The following ITPR2 variants were observed in gnomAD, a reference collection of about 807,000 sequenced individuals.
The protein encoded by ITPR2 is inositol 1,4,5-trisphosphate-gated calcium channel ITPR2.
In ITPR2, 207 loss-of-function variants were observed where a neutral mutation model predicts 317.1. That is an observed-to-expected ratio of 0.65 (90% CI 0.58 to 0.73). ITPR2 has a LOEUF of 0.73. Ranked by LOEUF, ITPR2 falls within the 30% of genes least tolerant of loss-of-function variation. ITPR2 has a pLI of 0.00. For synonymous variants in ITPR2, 1,156 were observed against 1,149.1 expected, an observed-to-expected ratio of 1.01 and a Z score of -0.12; for missense variants, 2,613 against 3,284.0, an observed-to-expected ratio of 0.80 and a Z score of 4.99.
intron 52 of ITPR2, among the ~76,000 whole-genome samples, chr12:26,405,765 C>T (rs1940327659): frequency 6.6e-6 from 1 of 152,168 alleles, no homozygotes; most frequent in South Asian, 2.1e-4. Flanking sequence ...CAAGACCAGC[C>T]TGGCCAACAT....
intron 45 of ITPR2, among the ~76,000 whole-genome samples, chr12:26,468,016 C>T (rs1484994179): frequency 6.6e-6 from 1 of 152,084 alleles, no homozygotes; most frequent in East Asian, 1.9e-4. Flanking sequence ...TAGCCAGGTC[C>T]GACATACATG....
chr12:26,539,703 C>T (rs1259639788), intron 37 of ITPR2, among the ~76,000 whole-genome samples: 1 of 152,184 alleles, frequency 6.6e-6, no homozygotes, highest in Non-Finnish European at 1.5e-5. Context: ...ACAGCAGTCC[C>T]CTGGTCCCAG....
chr12:26,661,517 A>T (rs1947503380), intron 15 of ITPR2, among the ~76,000 whole-genome samples: 1 of 152,114 alleles, frequency 6.6e-6, no homozygotes, highest in Non-Finnish European at 1.5e-5. Context: ...CCCAAAGCAC[A>T]GGGCTATAGA....
chr12:26,784,357 C>CCACGG (rs1555191425), intron 2 of ITPR2, among the ~76,000 whole-genome samples: 3 of 42,540 alleles, frequency 7.1e-5, no homozygotes, highest in Non-Finnish European at 1.6e-4. Flanking sequence ...CTCCCTCTCC[C>CCACGG]TCTCCCTCCA....
Position 26,638,508 on chromosome 12 carries a change from G to C in ITPR2, c.2741-6449C>G, listed in dbSNP as rs1280466718. ...CAGCCCCACGACCAAAGGCAACGAT[G>C]CTCTTGATTTCTCACACCACAGACA... is the stretch of plus-strand genomic sequence containing the variant. On this transcript the variant is annotated intron_variant, in intron 21 of 56. Coordinates refer to ENST00000381340, the MANE Select transcript of ITPR2 (RefSeq NM_002223.4). 2.0e-5 allele frequency among the ~76,000 whole-genome samples: 3 copies of C among 152,094 alleles called. No individual in the cohort carries two copies. In the East Asian group the frequency reaches 5.8e-4, roughly 29 times the overall value.
In ITPR2 at chr12:26,428,017, A is replaced by G. The variant is rs1941112411; in HGVS notation, c.6841T>C (p.Phe2281Leu). 6.2e-7 allele frequency: 1 copy of G among 1,613,334 alleles called. No individual in the cohort carries two copies. The highest frequency in any genetic ancestry group is 8.5e-7 in the Non-Finnish European group (1 of 1,179,552). The change falls in exon 49 of 57, where the codon TTC (phenylalanine) becomes CTC (leucine). Residue 2281 changes from phenylalanine (F) to leucine (L), a missense_variant. Around this residue, in one of 9 missense-constraint regions of ITPR2, gnomAD observed 926 missense variants for 1,072.8 expected, o/e 0.86. Transcript: ENST00000381340. ...VAICTSMLFF[F>L]SKPVGIRPFL... Reference sequence around the variant, plus strand: ...GGCCGAATACCCACAGGCTTGGAGAAGAAAAACAGCATAGATGTGCAGATC... The same window carrying G: ...GGCCGAATACCCACAGGCTTGGAGAGGAAAAACAGCATAGATGTGCAGATC...
At chr12:26,435,081 A>G (rs1190959227) in intron 48 of ITPR2, among the ~76,000 whole-genome samples, 2 of 152,174 alleles carry the variant, frequency 1.3e-5, no homozygotes, top group Non-Finnish European at 2.9e-5. Flanking sequence ...TGCCTTCCAA[A>G]AACAGTGGTT....
chr12:26,612,032 G>A (rs919297251), intron 26 of ITPR2, among the ~76,000 whole-genome samples: 7 of 152,236 alleles, frequency 4.6e-5, no homozygotes, highest in Admixed American at 2.6e-4. Flanking sequence ...CTCGAGGGAC[G>A]CAATGGGCTT....
chr12:26,337,217 C>T lies in ITPR2; in HGVS notation c.*2180G>A, dbSNP rs1016011998. 6.6e-6 allele frequency: 1 copy of T among 152,082 alleles called. No individual in the cohort carries two copies. Among genetic ancestry groups the T allele is most frequent in the African/African-American group, 2.4e-5 (1 of 41,406 alleles). 9.4% of individuals were successfully genotyped at this position (152,082 alleles called of 1,614,324 possible). A position where few individuals can be genotyped will look rare whatever the true frequency, so the allele number is the denominator to read the frequency against. On this transcript the variant is annotated 3_prime_UTR_variant, in exon 57 of 57. Transcript: ENST00000381340. ...AATTATATACACCTAATGGCTTATT[C>T]CCTACAAAATGAACTATTATGGTGT...
intron 55 of ITPR2, among the ~76,000 whole-genome samples, chr12:26,359,968 A>T (rs1938774593): frequency 6.6e-6 from 1 of 152,192 alleles, no homozygotes; most frequent in Admixed American, 6.5e-5. Context: ...ACTTTTTAAA[A>T]TTTAAAATGT....
intron 45 of ITPR2, among the ~76,000 whole-genome samples, chr12:26,459,399 T>C (rs1353335038): frequency 6.6e-6 from 1 of 152,220 alleles, no homozygotes; most frequent in East Asian, 1.9e-4. Context: ...CTGGCGTGTG[T>C]CTGCTTTGCA....
chr12:26,375,967 C>T (rs1014987990), intron 55 of ITPR2, among the ~76,000 whole-genome samples: 2 of 152,148 alleles, frequency 1.3e-5, no homozygotes, highest in Non-Finnish European at 2.9e-5. Flanking sequence ...GGCATGGTGG[C>T]GTGTGCCTGT....
At chr12:26,773,767 G>C (rs1305466858) in intron 2 of ITPR2, among the ~76,000 whole-genome samples, 1 of 151,012 alleles carries the variant, frequency 6.6e-6, no homozygotes, top group Non-Finnish European at 1.5e-5. Context: ...ATCCTGACTA[G>C]CTTTGACAGG....
chr12:26,657,987 G>A (rs199729301), intron 17 of ITPR2, 24 bp downstream of exon 17: 47 of 1,603,298 alleles, frequency 2.9e-5, no homozygotes, highest in Non-Finnish European at 3.6e-5. Flanking sequence ...ACAGGAAAAT[G>A]ATGCATCCAT....
chr12:26,670,331 G>C (rs923390331), intron 13 of ITPR2, among the ~76,000 whole-genome samples: 1 of 152,140 alleles, frequency 6.6e-6, no homozygotes, highest in Non-Finnish European at 1.5e-5. Flanking sequence ...TCACACGGCC[G>C]GGTACTCCTC....
intron 21 of ITPR2, among the ~76,000 whole-genome samples, chr12:26,636,552 T>C (rs1262851075): frequency 1.3e-5 from 2 of 152,206 alleles, no homozygotes; most frequent in East Asian, 1.9e-4. Flanking sequence ...ATATAAAAAG[T>C]TGGGTCTCAT....
At chr12:26,753,456 G>A (rs2137109723) in intron 2 of ITPR2, among the ~76,000 whole-genome samples, 1 of 152,226 alleles carries the variant, frequency 6.6e-6, no homozygotes, top group South Asian at 2.1e-4. Context: ...GGGACTGCTG[G>A]AAAAGATCCC....
At chr12:26,732,081 C>G (rs1183910405) in intron 2 of ITPR2, among the ~76,000 whole-genome samples, 1 of 152,200 alleles carries the variant, frequency 6.6e-6, no homozygotes, top group Non-Finnish European at 1.5e-5. Flanking sequence ...AAAGTGTCCT[C>G]TAGAATGCTA....
chr12:26,560,983 A>C (rs188572425), intron 35 of ITPR2, among the ~76,000 whole-genome samples: 121 of 152,308 alleles, frequency 7.9e-4, no homozygotes, highest in African/African-American at 2.6e-3. Context: ...CAAATTTCAT[A>C]TGTTGAAGGC....
Sources: allele counts gnomAD v4.1 joint callset (sites outside exome capture counted in the v4.1 genomes callset), GRCh38; gene constraint gnomAD v4.1.1; regional missense constraint gnomAD v4.1.1; transcripts MANE v1.5; gene names NCBI Gene and HGNC (gene_info 2026-07-23, HGNC 2026-07-21).